SCN4B: variants seen among roughly 807,000 people sequenced by gnomAD.
SCN4B encodes the protein sodium channel regulatory subunit beta-4.
In SCN4B, 20 loss-of-function variants were observed where a neutral mutation model predicts 19.6. The ratio of observed to expected loss-of-function variants is 1.02; its 90% CI spans 0.72 to 1.48. SCN4B has a LOEUF of 1.48. SCN4B is among the 40% of genes most tolerant of loss of function. The pLI is 0.00. For missense variants in SCN4B, 271 were observed against 287.5 expected (o/e 0.94, Z 0.42); for synonymous variants, 127 against 122.8 (o/e 1.03, Z -0.22).
At chr11:118,149,151 T>C (rs1336092104) in intron 1 of SCN4B, among the ~76,000 whole-genome samples, 1 of 152,204 alleles carries the variant, frequency 6.6e-6, no homozygotes, top group Non-Finnish European at 1.5e-5. Context: ...AATCATATTA[T>C]TAAATATTCA....
At chr11:118,138,814 A>G (rs1948057926) in intron 4 of SCN4B, among the ~76,000 whole-genome samples, 1 of 152,218 alleles carries the variant, frequency 6.6e-6, no homozygotes. Flanking sequence ...AAAGATGAGC[A>G]GGAAAAGAGA....
At position 118,144,036 on chromosome 11, in the gene SCN4B, T is replaced by C; in HGVS notation, c.260A>G (p.Glu87Gly). 6.2e-7 allele frequency: 1 copy of C among 1,613,802 alleles called. No homozygotes were observed. Among genetic ancestry groups the C allele is most frequent in the Non-Finnish European group, 8.5e-7 (1 of 1,179,682 alleles). ...KILIEGTVKN[E>G]KSDPKVTLKD... Reference sequence around the variant, plus strand: ...CAACGTCACCTTGGGGTCAGACTTCTCATTCTTCACAGTCCCCTCTATGAG... The same window carrying C: ...CAACGTCACCTTGGGGTCAGACTTCCCATTCTTCACAGTCCCCTCTATGAG... The change falls in exon 3 of 5, where the codon GAG becomes GGG. Residue 87 changes from glutamate to glycine, a missense_variant. Glu to Gly is a moderately conservative substitution (Grantham distance 98). Coordinates refer to ENST00000324727, the MANE Select transcript of SCN4B (RefSeq NM_174934.4).
chr11:118,141,731 CTA>C (rs1381148317), intron 3 of SCN4B: 1 of 274,388 alleles, frequency 3.6e-6, no homozygotes, highest in African/African-American at 2.2e-5. Flanking sequence ...AAGAACCTCC[CTA>C]TGATACCTCT....
At chr11:118,139,941 T>C (rs990669832) in intron 4 of SCN4B, among the ~76,000 whole-genome samples, 1 of 150,336 alleles carries the variant, frequency 6.7e-6, no homozygotes, top group African/African-American at 2.5e-5. Flanking sequence ...TCTTGCTAAG[T>C]TGCCCAGGCT....
rs776022991 is a variant in SCN4B, at chr11:118,148,871, T to C, written c.62-3642A>G. Reference sequence around the variant, plus strand: ...CTGTTTTCTAAAGTTAATTCTAGAATGTTAAAGTGTACGTGTGTGTGTGTG... The same window carrying C: ...CTGTTTTCTAAAGTTAATTCTAGAACGTTAAAGTGTACGTGTGTGTGTGTG... On this transcript the variant is annotated intron_variant, in intron 1 of 4. Transcript: ENST00000324727. The surrounding 1 kb of genome is among the most constrained non-coding windows in gnomAD (Gnocchi z 4.0). Among the ~76,000 whole-genome samples the C allele has an allele frequency of 6.6e-5, 10 of 152,208 alleles. No homozygotes were observed. The highest frequency in any genetic ancestry group is 1.5e-4 in the Non-Finnish European group (10 of 68,030).
chr11:118,146,426 C>T (rs1948177816), intron 1 of SCN4B, among the ~76,000 whole-genome samples: 1 of 152,190 alleles, frequency 6.6e-6, no homozygotes, highest in Non-Finnish European at 1.5e-5. Context: ...CTCACCTCCT[C>T]CCTAGAGGAC....
chr11:118,145,184 C>T lies in SCN4B; in HGVS notation c.107G>A (p.Gly36Glu). 6.2e-7 allele frequency: 1 copy of T among 1,603,596 alleles called. No homozygotes were observed. The highest frequency in any genetic ancestry group is 8.5e-7 in the Non-Finnish European group (1 of 1,175,790). Residue 36 changes from glycine (G) to glutamate (E), a missense_variant, in exon 2 of 5, where the codon GGA becomes GAA. Physicochemically the swap from Gly to Glu is moderately conservative, Grantham distance 98. Coordinates refer to ENST00000324727, the MANE Select transcript of SCN4B (RefSeq NM_174934.4). ...GACAGCGTAGATGTCGGTGGCCTTT[C>T]CCACAGACACCTCCAGCGACAGGGT... Reference protein sequence around the residue: ...PVTLSLEVSVGKATDIYAVNG... With the variant: ...PVTLSLEVSVEKATDIYAVNG...
rs1054056812 is a variant in SCN4B, at chr11:118,134,450, T to C, written c.*2577A>G. On this transcript the variant is annotated 3_prime_UTR_variant, in exon 5 of 5. Transcript: ENST00000324727. ...TAGTGCAAATCCATGCCAGTGTTTCTCCATGGGTATAATGTTGACATGGGA... is the reference window on the plus strand; with the variant it reads ...TAGTGCAAATCCATGCCAGTGTTTCCCCATGGGTATAATGTTGACATGGGA... 2 of 454,112 alleles carry C rather than the reference T, an allele frequency of 4.4e-6. No individual in the cohort carries two copies. The allele number at this position is 454,112 out of a possible 1,614,324, so 28.1% of individuals were successfully genotyped here. A position where few individuals can be genotyped will look rare whatever the true frequency, so the allele number is the denominator to read the frequency against.
chr11:118,137,581 G>A (rs1237800033), intron 4 of SCN4B, among the ~76,000 whole-genome samples: 1 of 152,232 alleles, frequency 6.6e-6, no homozygotes, highest in Non-Finnish European at 1.5e-5. Context: ...TGAGGCAGGA[G>A]AATCGCTTGA....
At chr11:118,138,584 C>A (rs1298106362) in intron 4 of SCN4B, among the ~76,000 whole-genome samples, 2 of 152,234 alleles carry the variant, frequency 1.3e-5, no homozygotes, top group East Asian at 3.9e-4. Context: ...CCACGCAGTC[C>A]ATAATTCTCT....
chr11:118,144,463 C>T (rs568401851), intron 2 of SCN4B, among the ~76,000 whole-genome samples: 1 of 152,290 alleles, frequency 6.6e-6, no homozygotes, highest in Admixed American at 6.5e-5. Context: ...AGACCTGGAT[C>T]AATCCCACAG....
At chr11:118,147,155 G>A (rs1407204616) in intron 1 of SCN4B, among the ~76,000 whole-genome samples, 3 of 152,202 alleles carry the variant, frequency 2.0e-5, no homozygotes, top group East Asian at 3.8e-4. Context: ...ACCACGGTGC[G>A]AGAGGATTTG....
At chr11:118,144,209 C>G (rs1379570150) in intron 2 of SCN4B, 148 bp from the exon 3 acceptor site, 2 of 646,416 alleles carry the variant, frequency 3.1e-6, no homozygotes, top group Non-Finnish European at 5.6e-6. Flanking sequence ...TCCTTCCCCC[C>G]ATGGTTTCCT....
At chr11:118,139,576 G>A (rs1444089861) in intron 4 of SCN4B, among the ~76,000 whole-genome samples, 1 of 140,496 alleles carries the variant, frequency 7.1e-6, no homozygotes, top group Non-Finnish European at 1.6e-5. Flanking sequence ...AAAATGAACA[G>A]ATAAATGAAT....
chr11:118,146,324 C>A (rs942105468), intron 1 of SCN4B, among the ~76,000 whole-genome samples: 1 of 151,978 alleles, frequency 6.6e-6, no homozygotes, highest in Non-Finnish European at 1.5e-5. Context: ...CACACACCCA[C>A]CCCCAGTCCT....
intron 1 of SCN4B, among the ~76,000 whole-genome samples, chr11:118,146,311 A>C (rs1235706957): frequency 4.7e-5 from 7 of 149,662 alleles, no homozygotes; most frequent in Non-Finnish European, 7.4e-5. Context: ...ACCCCGCCCC[A>C]CACACACACC....
intron 1 of SCN4B, among the ~76,000 whole-genome samples, chr11:118,150,367 G>A (rs1376772879): frequency 6.6e-6 from 1 of 152,250 alleles, no homozygotes; most frequent in East Asian, 1.9e-4. Flanking sequence ...TACGGGGAGA[G>A]GGGAAGAGGA....
At chr11:118,145,329 G>T (rs1457954434) in intron 1 of SCN4B, 100 bp from the exon 2 acceptor site, 2 of 1,572,454 alleles carry the variant, frequency 1.3e-6, no homozygotes, top group African/African-American at 2.7e-5. Flanking sequence ...AGGCAGGTAG[G>T]TCTCTATCAC....
At chr11:118,141,992 A>G (rs1387964802) in intron 3 of SCN4B, 1 of 153,018 alleles carries the variant, frequency 6.5e-6, no homozygotes, top group African/African-American at 2.4e-5. Flanking sequence ...GATGCCTTTT[A>G]TTCAAACGCT....
Sources: gnomAD v4.1 joint callset for allele counts (sites outside exome capture counted in the v4.1 genomes callset) on GRCh38, gnomAD v4.1.1 for gene constraint, Gnocchi (gnomAD v3.1) non-coding constraint, MANE v1.5 for transcripts, NCBI Gene and HGNC (gene_info 2026-07-23, HGNC 2026-07-21) for gene names.